KRAS: variants seen among roughly 807,000 people sequenced by gnomAD.
KRAS encodes the protein KRas proto-oncogene, GTPase, also known as GTPase KRas.
In KRAS, 1 loss-of-function variant was observed where a neutral mutation model predicts 21.0. That is an observed-to-expected ratio of 0.05 (90% CI 0.02 to 0.23). The LOEUF (loss-of-function observed/expected upper bound fraction) is 0.23, where lower values mean the gene tolerates loss of function less well. KRAS is among the 10% of genes least tolerant of loss of function. KRAS has a pLI of 1.00. For synonymous variants in KRAS, 67 were observed against 72.5 expected (o/e 0.92, Z 0.39); for missense variants, 107 against 221.8 (o/e 0.48, Z 3.29).
intron 2 of KRAS, among the ~76,000 whole-genome samples, chr12:25,231,329 C>T (rs980905765): frequency 3.9e-5 from 6 of 151,916 alleles, no homozygotes; most frequent in Non-Finnish European, 7.4e-5. Flanking sequence ...TCAGGTGATC[C>T]GCCTCGGCCT....
intron 4 of KRAS, 72 bp from the exon 5 acceptor site, chr12:25,209,983 T>A: frequency 9.0e-7 from 1 of 1,106,698 alleles, no homozygotes; most frequent in Non-Finnish European, 1.3e-6. Context: ...CAAATTTCAT[T>A]AATGGAAAAA....
intron 4 of KRAS, among the ~76,000 whole-genome samples, chr12:25,212,495 C>G (rs1408069336): frequency 6.6e-6 from 1 of 152,084 alleles, no homozygotes; most frequent in African/African-American, 2.4e-5. Context: ...GAGGCTGAGG[C>G]AGGAGAACTG....
At position 25,243,566 on chromosome 12, in the gene KRAS, C is replaced by T. The variant is rs571891785; in HGVS notation, c.111+1708G>A. 2.6e-5 allele frequency among the ~76,000 whole-genome samples: 4 copies of T among 152,290 alleles called. 1 individual carries two copies. The highest frequency in any genetic ancestry group is 9.6e-5 in the African/African-American group (4 of 41,550). On this transcript the variant is annotated intron_variant, in intron 2 of 4. Transcript: ENST00000311936. ...CTAACCCACTTTATCACATTCATGACGTCATGCTGTATATACTCATATAGC... is the reference window on the plus strand; with the variant it reads ...CTAACCCACTTTATCACATTCATGATGTCATGCTGTATATACTCATATAGC...
Position 25,250,918 on chromosome 12 carries a change from G to A in KRAS, c.-179C>T. The A allele has an allele frequency of 4.0e-6, 1 of 250,772 alleles. No individual in the cohort carries two copies. 15.5% of individuals were successfully genotyped at this position (250,772 alleles called of 1,614,324 possible). On this transcript the variant is annotated 5_prime_UTR_variant, in exon 1 of 5. Coordinates refer to ENST00000311936, the MANE Select transcript of KRAS (RefSeq NM_004985.5). The stretch of plus-strand genomic sequence containing the variant: ...CGCCGCTGCTGCCTCCGCCGCCGCG[G>A]CCGCCGCCTAGGAAAATCGAGCTCC...
intron 4 of KRAS, among the ~76,000 whole-genome samples, chr12:25,219,226 G>A (rs755219891): frequency 3.3e-5 from 5 of 152,130 alleles, no homozygotes; most frequent in Non-Finnish European, 5.9e-5. Flanking sequence ...ATGAGCCACC[G>A]TGCCTAGCCT....
intron 1 of KRAS, among the ~76,000 whole-genome samples, chr12:25,249,327 G>A (rs925332367): frequency 5.3e-5 from 8 of 152,224 alleles, no homozygotes; most frequent in Middle Eastern, 3.4e-3. Context: ...AATGCAGGAG[G>A]CAGAGGTTGC....
At chr12:25,248,384 A>G (rs960701821) in intron 1 of KRAS, among the ~76,000 whole-genome samples, 1 of 144,134 alleles carries the variant, frequency 6.9e-6, no homozygotes, top group African/African-American at 2.5e-5. Context: ...TGAGAGTCGG[A>G]GGTAGTAGCG....
Position 25,226,931 on chromosome 12 carries a change from T to C in KRAS, c.290+303A>G, listed in dbSNP as rs918868336. On this transcript the variant is annotated intron_variant, in intron 3 of 4. Transcript: ENST00000311936. ...TCTTTTTTATGGTTTTCTTTTTTAA[T>C]GATGTATCTAAAAAGTTTAAAGTCT... Among the ~76,000 whole-genome samples the C allele has an allele frequency of 4.6e-5, 7 of 152,314 alleles. No individual in the cohort carries two copies. The East Asian group carries it at 7.7e-4, about 17-fold the overall frequency.
rs929181790 is a variant in KRAS, at chr12:25,226,706, A to C, written c.290+528T>G. Among the ~76,000 whole-genome samples, 6 of 152,208 alleles carry C rather than the reference A, an allele frequency of 3.9e-5. No homozygotes were observed. The South Asian group carries it at 6.2e-4, about 16-fold the overall frequency. ...AAAGAAATAGAATATAAAATAGTAT[A>C]ATAATGATTATTTTAATAGTTTTAT... is the stretch of plus-strand genomic sequence containing the variant. On this transcript the variant is annotated intron_variant, in intron 3 of 4. Coordinates refer to ENST00000311936, the MANE Select transcript of KRAS (RefSeq NM_004985.5).
intron 2 of KRAS, among the ~76,000 whole-genome samples, chr12:25,240,299 C>A (rs750203431): frequency 6.6e-6 from 1 of 152,136 alleles, no homozygotes; most frequent in Non-Finnish European, 1.5e-5. Context: ...ATATAATTAG[C>A]ATGATTGCCT....
Position 25,206,420 on chromosome 12 carries a change from C to T in KRAS, c.*3375G>A. 4.9e-6 allele frequency: 1 copy of T among 203,722 alleles called. No individual in the cohort carries two copies. Among genetic ancestry groups the T allele is most frequent in the East Asian group, 7.8e-5 (1 of 12,784 alleles). The allele number at this position is 203,722 out of a possible 1,614,324, so 12.6% of individuals were successfully genotyped here. A position where few individuals can be genotyped will look rare whatever the true frequency, so the allele number is the denominator to read the frequency against. On this transcript the variant is annotated 3_prime_UTR_variant, in exon 5 of 5. Coordinates refer to ENST00000311936, the MANE Select transcript of KRAS (RefSeq NM_004985.5). Reference sequence around the variant, plus strand: ...AAAAAACTTCAACAAGGATTTTTGTCTTTAAGGCTGTAATAATTAGGTAAC... The same window carrying T: ...AAAAAACTTCAACAAGGATTTTTGTTTTTAAGGCTGTAATAATTAGGTAAC...
At chr12:25,217,908 T>C (rs1440360818) in intron 4 of KRAS, among the ~76,000 whole-genome samples, 1 of 152,160 alleles carries the variant, frequency 6.6e-6, no homozygotes, top group African/African-American at 2.4e-5. Flanking sequence ...AAAATTTTTT[T>C]AATCGTTTTA....
chr12:25,240,209 C>G (rs1004376475), intron 2 of KRAS, among the ~76,000 whole-genome samples: 1 of 152,034 alleles, frequency 6.6e-6, no homozygotes, highest in Non-Finnish European at 1.5e-5. Flanking sequence ...GTTCCATAAC[C>G]TACACATTAT....
Position 25,206,744 on chromosome 12 carries a change from T to C in KRAS, c.*3051A>G, listed in dbSNP as rs888605487. ...ATCATAGTGATTTTTACATAGAAGT[T>C]TCCTTGTCTGTGAACTAGTTCAGGC... On this transcript the variant is annotated 3_prime_UTR_variant, in exon 5 of 5. Transcript: ENST00000311936. 1.0e-5 allele frequency: 2 copies of C among 196,572 alleles called. No homozygotes were observed. The highest frequency in any genetic ancestry group is 2.1e-5 in the Non-Finnish European group (2 of 94,786). The allele number at this position is 196,572 out of a possible 1,614,324, so 12.2% of individuals were successfully genotyped here.
intron 4 of KRAS, among the ~76,000 whole-genome samples, chr12:25,215,875 T>C (rs1427586126): frequency 6.6e-6 from 1 of 152,212 alleles, no homozygotes; most frequent in Admixed American, 6.5e-5. Flanking sequence ...CATTTTAGTT[T>C]GCTAGTCCTG....
intron 4 of KRAS, chr12:25,215,091 T>TG: frequency 1.2e-5 from 1 of 86,510 alleles, no homozygotes; most frequent in Non-Finnish European, 1.9e-5. Context: ...TTCTCCCTAC[T>TG]AAAAAAAAAA....
chr12:25,221,382 G>A (rs761667690), intron 4 of KRAS, among the ~76,000 whole-genome samples: 13 of 151,900 alleles, frequency 8.6e-5, no homozygotes, highest in African/African-American at 1.9e-4. Context: ...ACAGGCACCC[G>A]CCACCACGCC....
chr12:25,228,181 T>TTC (rs2141512109), intron 2 of KRAS, among the ~76,000 whole-genome samples: 1 of 134,128 alleles, frequency 7.5e-6, no homozygotes, highest in East Asian at 2.2e-4. Context: ...CTTTCATCTT[T>TTC]TTTTTTTTTT....
rs1951129695 is a variant in KRAS, at chr12:25,205,724, A to ATAAC, written c.*4067_*4070dup. On this transcript the variant is annotated 3_prime_UTR_variant, in exon 5 of 5. Coordinates refer to ENST00000311936, the MANE Select transcript of KRAS (RefSeq NM_004985.5). The stretch of plus-strand genomic sequence containing the variant: ...AGATGGGCCCTCAACATATCTGCAG[A>ATAAC]TAACTTTTTTTTCCCCTAAATTCAT... 1 of 183,524 alleles carries ATAAC rather than the reference A, an allele frequency of 5.4e-6. No homozygotes were observed. Among genetic ancestry groups the ATAAC allele is most frequent in the Non-Finnish European group, 1.1e-5 (1 of 92,154 alleles). 11.4% of individuals were successfully genotyped at this position (183,524 alleles called of 1,614,324 possible).
Sources: gnomAD v4.1 joint callset for allele counts (sites outside exome capture counted in the v4.1 genomes callset) on GRCh38, gnomAD v4.1.1 for gene constraint, MANE v1.5 for transcripts, NCBI Gene and HGNC (gene_info 2026-07-23, HGNC 2026-07-21) for gene names.